COL3A1: variants seen among roughly 807,000 people sequenced by gnomAD.
COL3A1 encodes collagen alpha-1(III) chain.
Under a neutral mutation model 200.9 loss-of-function variants are expected in COL3A1, and 46 were observed. The ratio of observed to expected loss-of-function variants is 0.23; its 90% CI spans 0.18 to 0.29. The LOEUF (loss-of-function observed/expected upper bound fraction) is 0.29, where lower values mean the gene tolerates loss of function less well. Among genes scored for constraint, COL3A1 ranks in the 10% least tolerant of loss-of-function variants. The pLI, the probability that COL3A1 is intolerant of heterozygous loss-of-function variation, is 1.00. For missense variants in COL3A1, 1,367 were observed against 1,917.6 expected, an observed-to-expected ratio of 0.71 and a Z score of 5.36; for synonymous variants, 650 against 628.0, an observed-to-expected ratio of 1.03 and a Z score of -0.52.
At chr2:188,977,488 G>A (rs73047627) in intron 1 of COL3A1, among the ~76,000 whole-genome samples, 1,860 of 152,110 alleles carry the variant, frequency 0.012, 39 homozygotes, top group African/African-American at 0.042. Context: ...TTTCTGGTTT[G>A]TGTTTGTCCC....
intron 1 of COL3A1, chr2:188,978,064 T>C: frequency 2.4e-6 from 1 of 412,548 alleles, no homozygotes; most frequent in South Asian, 1.8e-5. Context: ...AACAGAGCCT[T>C]GAAAAATTTG....
chr2:189,006,376 C>A lies in COL3A1; in HGVS notation c.3125C>A (p.Ala1042Asp). The change falls in exon 43 of 51, where the codon GCC becomes GAC. Residue 1042 changes from alanine (A) to aspartate (D), a missense_variant. By Grantham distance (126) the Ala-to-Asp change is moderately radical (BLOSUM62 -2). Transcript: ENST00000304636. ...CGTGGTGAAAATGGCTCTCCTGGTG[C>A]CCCTGGCGCTCCTGGTCATCCAGGC... The part of the protein sequence containing the change: ...GDRGENGSPG[A>D]PGAPGHPGPP... The A allele has an allele frequency of 1.9e-6, 3 of 1,614,110 alleles. No individual in the cohort carries two copies. Among genetic ancestry groups the A allele is most frequent in the Non-Finnish European group, 2.5e-6 (3 of 1,180,008 alleles).
chr2:189,010,964 T>A, intron 50 of COL3A1, 74 bp downstream of exon 50: 1 of 1,559,680 alleles, frequency 6.4e-7, no homozygotes, highest in Non-Finnish European at 8.8e-7. Context: ...TTATTTTGAA[T>A]AGAATAAATA....
Position 189,001,377 on chromosome 2 carries a change from A to G in COL3A1, c.2284-20A>G. ...GATATTTGTATCTTCAAAATTAAAAAATATTTTTATTTCCTCTAGGGTCCT... is the reference window on the plus strand; with the variant it reads ...GATATTTGTATCTTCAAAATTAAAAGATATTTTTATTTCCTCTAGGGTCCT... On this transcript the variant is annotated intron_variant, in intron 32 of 50. Transcript: ENST00000304636. 6.2e-7 allele frequency: 1 copy of G among 1,611,016 alleles called. No homozygotes were observed. The highest frequency in any genetic ancestry group is 1.1e-5 in the South Asian group (1 of 90,870).
In COL3A1 at chr2:188,994,368, G is replaced by C. The variant is rs769443822; in HGVS notation, c.1293+36G>C. The C allele has an allele frequency of 1.2e-6, 2 of 1,610,376 alleles. No individual in the cohort carries two copies. Among genetic ancestry groups the C allele is most frequent in the Admixed American group, 3.3e-5 (2 of 59,980 alleles). ...TTGTTTTTTCTCTGTTGACTGAAAG[G>C]TATAGTTTAATTCCATCAACAAAAA... On this transcript the variant is annotated intron_variant, in intron 18 of 50. Transcript: ENST00000304636. This position sits in a 1 kb window ranked among gnomAD's most constrained non-coding sequence, Gnocchi z 4.5.
chr2:188,997,910 G>A lies in COL3A1; in HGVS notation c.1923+157G>A, dbSNP rs576391645. Among the ~76,000 whole-genome samples, 19 of 152,264 alleles carry A rather than the reference G, an allele frequency of 1.2e-4. No homozygotes were observed. In the South Asian group the frequency reaches 3.9e-3, roughly 32 times the overall value. ...GTTAATAGGTAGGCATATCTTCCAT[G>A]TCCGTTCCAGAGCACATTAATAAGT... On this transcript the variant is annotated intron_variant, in intron 27 of 50. Transcript: ENST00000304636.
chr2:189,002,190 C>A, intron 34 of COL3A1, 108 bp from the exon 35 acceptor site: 1 of 934,748 alleles, frequency 1.1e-6, no homozygotes, highest in Non-Finnish European at 1.7e-6. Flanking sequence ...CTACTCTGCA[C>A]ATTTCCTGCT....
chr2:188,990,120 C>A lies in COL3A1; in HGVS notation c.715C>A (p.Pro239Thr). 6.2e-7 allele frequency: 1 copy of A among 1,613,638 alleles called. No individual in the cohort carries two copies. The stretch of plus-strand genomic sequence containing the variant: ...GGGAGAATCAGGTAGACCCGGACGA[C>A]CTGGAGAGCGAGGATTGCCTGGACC... ...KDGESGRPGR[P>T]GERGLPGPPG... The change falls in exon 9 of 51, where the codon CCT becomes ACT. Residue 239 changes from proline (P) to threonine (T), a missense_variant. Transcript: ENST00000304636.
At chr2:189,009,430 A>T (rs1299517228) in intron 48 of COL3A1, among the ~76,000 whole-genome samples, 1 of 152,230 alleles carries the variant, frequency 6.6e-6, no homozygotes, top group Non-Finnish European at 1.5e-5. Flanking sequence ...AATACAGAAA[A>T]ATATAAAGAC....
At chr2:189,003,213 A>G in intron 36 of COL3A1, 151 bp downstream of exon 36, 1 of 803,636 alleles carries the variant, frequency 1.2e-6, no homozygotes. Flanking sequence ...GTAATTTAAT[A>G]TTTTATACTG....
intron 34 of COL3A1, 85 bp from the exon 35 acceptor site, chr2:189,002,213 A>G: frequency 1.8e-6 from 2 of 1,137,290 alleles, no homozygotes; most frequent in Non-Finnish European, 2.7e-6. Flanking sequence ...AAGGAAAGAA[A>G]AGATAAGATG....
chr2:188,982,651 C>A (rs1559051847), intron 1 of COL3A1, among the ~76,000 whole-genome samples: 1 of 151,704 alleles, frequency 6.6e-6, no homozygotes, highest in African/African-American at 2.4e-5. Flanking sequence ...CTAAAAGAAT[C>A]ATCTGTACAA....
At chr2:189,006,852 AATT>A in intron 43 of COL3A1, 82 bp from the exon 44 acceptor site, 1 of 1,328,700 alleles carries the variant, frequency 7.5e-7, no homozygotes, top group African/African-American at 1.4e-5. Flanking sequence ...ATTATAATGA[AATT>A]ATTTACTTTT....
chr2:188,995,410 A>G (rs913619092), intron 21 of COL3A1, among the ~76,000 whole-genome samples: 3 of 152,232 alleles, frequency 2.0e-5, no homozygotes, highest in Non-Finnish European at 2.9e-5. Flanking sequence ...ATCAAATATG[A>G]TTTCATAGCA....
chr2:188,990,297 T>C lies in COL3A1; in HGVS notation c.745-10T>C, dbSNP rs1048016555. The C allele has an allele frequency of 6.2e-7, 1 of 1,611,782 alleles. No individual in the cohort carries two copies. The highest frequency in any genetic ancestry group is 8.5e-7 in the Non-Finnish European group (1 of 1,178,300). On this transcript the variant is annotated splice_polypyrimidine_tract_variant and intron_variant, in intron 9 of 50. Coordinates refer to ENST00000304636, the MANE Select transcript of COL3A1 (RefSeq NM_000090.4). Reference sequence around the variant, plus strand: ...AGGTTCATTAATATTTTTTCATTCATTATTTTTAGGGTATCAAAGGTCCAG... The same window carrying C: ...AGGTTCATTAATATTTTTTCATTCACTATTTTTAGGGTATCAAAGGTCCAG...
chr2:189,005,986 C>T (rs1576471576), intron 41 of COL3A1, among the ~76,000 whole-genome samples: 1 of 151,972 alleles, frequency 6.6e-6, no homozygotes, highest in African/African-American at 2.4e-5. Flanking sequence ...TTTTGGATAT[C>T]ATTTTTCTAA....
At chr2:189,003,344 G>A (rs1688512515) in intron 36 of COL3A1, 67 bp from the exon 37 acceptor site, 1 of 1,415,626 alleles carries the variant, frequency 7.1e-7, no homozygotes, top group African/African-American at 1.4e-5. Context: ...GTTTTCAAAG[G>A]CTTAATGCTT....
intron 36 of COL3A1, among the ~76,000 whole-genome samples, 162 bp from the exon 37 acceptor site, chr2:189,003,249 T>C (rs993456944): frequency 3.3e-5 from 5 of 152,228 alleles, no homozygotes; most frequent in African/African-American, 4.8e-5. Context: ...GTGTCAAGAA[T>C]ATAATCTTTA....
intron 1 of COL3A1, among the ~76,000 whole-genome samples, chr2:188,979,282 T>C (rs1370018455): frequency 6.6e-6 from 1 of 151,958 alleles, no homozygotes; most frequent in Non-Finnish European, 1.5e-5. Flanking sequence ...AAATACTCTT[T>C]GGAGTTGCAT....
Sources: allele counts gnomAD v4.1 joint callset (sites outside exome capture counted in the v4.1 genomes callset), GRCh38; gene constraint gnomAD v4.1.1; non-coding constraint Gnocchi (gnomAD v3.1); transcripts MANE v1.5; gene names NCBI Gene and HGNC (gene_info 2026-07-23, HGNC 2026-07-21).